JAK1: variants seen among roughly 807,000 people sequenced by gnomAD.
The protein encoded by JAK1 is tyrosine-protein kinase JAK1.
In JAK1, 16 loss-of-function variants were observed where a neutral mutation model predicts 136.6. That is an observed-to-expected ratio of 0.12 (90% CI 0.08 to 0.18). JAK1 has a LOEUF of 0.18. Among genes scored for constraint, JAK1 ranks in the 10% least tolerant of loss-of-function variants. The pLI, the probability that JAK1 is intolerant of heterozygous loss-of-function variation, is 1.00. For synonymous variants in JAK1, 492 were observed against 519.5 expected, an observed-to-expected ratio of 0.95 and a Z score of 0.72; for missense variants, 859 against 1,450.1, an observed-to-expected ratio of 0.59 and a Z score of 6.62.
intron 1 of JAK1, among the ~76,000 whole-genome samples, chr1:64,963,107 T>C (rs1225704010): frequency 6.6e-6 from 1 of 152,058 alleles, no homozygotes; most frequent in African/African-American, 2.4e-5. Flanking sequence ...AATGAACCGA[T>C]GTCTCTGATG....
intron 2 of JAK1, among the ~76,000 whole-genome samples, chr1:65,041,987 G>A (rs1459338152): frequency 1.3e-5 from 2 of 152,088 alleles, no homozygotes; most frequent in African/African-American, 4.8e-5. Context: ...AGGTTGCAGT[G>A]AGCAGAGATC....
intron 2 of JAK1, chr1:64,992,983 T>C (rs562922500): frequency 3.1e-4 from 46 of 149,956 alleles, no homozygotes; most frequent in African/African-American, 1.1e-3. Context: ...TTCTTGGTGT[T>C]TTTCTTAAGT....
intron 2 of JAK1, among the ~76,000 whole-genome samples, chr1:65,014,780 G>A (rs1646879238): frequency 6.6e-6 from 1 of 151,814 alleles, no homozygotes; most frequent in Non-Finnish European, 1.5e-5. Flanking sequence ...TGCCTCCCGG[G>A]TTCACGCCAT....
At chr1:64,945,224 GGT>G (rs1248717949) in intron 1 of JAK1, among the ~76,000 whole-genome samples, 1 of 151,996 alleles carries the variant, frequency 6.6e-6, no homozygotes, top group Non-Finnish European at 1.5e-5. Context: ...AGGGGTGAGA[GGT>G]GTCTGCAATG....
intron 1 of JAK1, among the ~76,000 whole-genome samples, chr1:64,925,806 CCCA>C (rs764044485): frequency 3.9e-5 from 6 of 152,152 alleles, no homozygotes; most frequent in Non-Finnish European, 8.8e-5. Context: ...AAACACAAGA[CCCA>C]AGGTCAAATG....
chr1:64,847,702 GA>G, intron 12 of JAK1, 27 bp from the exon 13 acceptor site: 1 of 1,610,894 alleles, frequency 6.2e-7, no homozygotes, highest in South Asian at 1.1e-5. Flanking sequence ...AAGGCTGGGT[GA>G]CCTCTCTGTG....
intron 2 of JAK1, among the ~76,000 whole-genome samples, chr1:65,040,354 G>A (rs1387143823): frequency 6.6e-6 from 1 of 152,066 alleles, no homozygotes; most frequent in Admixed American, 6.6e-5. Flanking sequence ...CCTGCCTTCT[G>A]TGGCTCGAGG....
At chr1:65,013,380 A>G (rs1646866046) in intron 2 of JAK1, among the ~76,000 whole-genome samples, 1 of 151,558 alleles carries the variant, frequency 6.6e-6, no homozygotes, top group African/African-American at 2.4e-5. Flanking sequence ...TGGGCAACAG[A>G]GCAAGACTCT....
At chr1:64,878,605 A>C (rs865876219) in intron 4 of JAK1, among the ~76,000 whole-genome samples, 39 of 113,386 alleles carry the variant, frequency 3.4e-4, no homozygotes, top group South Asian at 1.7e-3. Context: ...ATATATATAT[A>C]TCTCAAAAGT....
chr1:64,984,600 C>G lies in JAK1; in HGVS notation c.-78+59880G>C. 2 of 408,334 alleles carry G rather than the reference C, an allele frequency of 4.9e-6. No individual in the cohort carries two copies. Among genetic ancestry groups the G allele is most frequent in the South Asian group, 5.9e-5 (2 of 33,784 alleles). The allele number at this position is 408,334 out of a possible 1,614,324, so 25.3% of individuals were successfully genotyped here. ...TTGCTGGGAGGGAGGTTGAAGGAGG[C>G]ATGATTTAGACATTGGTGGTGGTCT... On this transcript the variant is annotated intron_variant, in intron 2 of 25. Transcript: ENST00000671954. This position sits in a 1 kb window ranked among gnomAD's most constrained non-coding sequence, Gnocchi z 4.1.
At chr1:64,892,639 C>A (rs1644956660) in intron 1 of JAK1, among the ~76,000 whole-genome samples, 1 of 152,136 alleles carries the variant, frequency 6.6e-6, no homozygotes, top group East Asian at 1.9e-4. Flanking sequence ...GCACTTGTGC[C>A]ATCACAATAA....
At chr1:65,017,249 A>T (rs1233147411) in intron 2 of JAK1, among the ~76,000 whole-genome samples, 1 of 152,140 alleles carries the variant, frequency 6.6e-6, no homozygotes, top group Non-Finnish European at 1.5e-5. Flanking sequence ...CAGGTGAACC[A>T]CCTGAGCTCA....
chr1:64,925,370 T>G (rs886678226), intron 1 of JAK1, among the ~76,000 whole-genome samples: 1 of 152,020 alleles, frequency 6.6e-6, no homozygotes, highest in Non-Finnish European at 1.5e-5. Flanking sequence ...CACACCAGCC[T>G]GGGAGACAAG....
At chr1:64,889,038 TTG>T (rs1557666559) in intron 1 of JAK1, among the ~76,000 whole-genome samples, 2 of 152,236 alleles carry the variant, frequency 1.3e-5, no homozygotes, top group Non-Finnish European at 2.9e-5. Flanking sequence ...AGCGGTTTTT[TTG>T]TGTGTGTGCT....
At chr1:64,933,104 A>G (rs1047172037) in intron 1 of JAK1, among the ~76,000 whole-genome samples, 4 of 152,180 alleles carry the variant, frequency 2.6e-5, no homozygotes. Context: ...GCCAGGCATC[A>G]TGCCAAATGT....
intron 17 of JAK1, among the ~76,000 whole-genome samples, chr1:64,842,554 A>G (rs898829103): frequency 2.0e-5 from 3 of 152,172 alleles, no homozygotes; most frequent in Admixed American, 6.5e-5. Context: ...TCACTCACAC[A>G]TCCCTGCGTC....
chr1:65,036,195 G>C (rs1303753343), intron 2 of JAK1, among the ~76,000 whole-genome samples: 2 of 152,148 alleles, frequency 1.3e-5, no homozygotes, highest in African/African-American at 2.4e-5. Flanking sequence ...AGTGTACCTT[G>C]ACTAAGGTGG....
At chr1:64,959,758 A>G (rs1368764657) in intron 1 of JAK1, among the ~76,000 whole-genome samples, 2 of 152,212 alleles carry the variant, frequency 1.3e-5, no homozygotes, top group African/African-American at 4.8e-5. Context: ...AAACCCTTCT[A>G]GATTTGAGAA....
At chr1:64,903,016 T>C (rs1000235383) in intron 1 of JAK1, among the ~76,000 whole-genome samples, 4 of 152,134 alleles carry the variant, frequency 2.6e-5, no homozygotes, top group Non-Finnish European at 4.4e-5. Context: ...AGAATATGGA[T>C]GCTGCCAACA....
Sources: gnomAD v4.1 joint callset for allele counts (sites outside exome capture counted in the v4.1 genomes callset) on GRCh38, gnomAD v4.1.1 for gene constraint, Gnocchi (gnomAD v3.1) non-coding constraint, MANE v1.5 for transcripts, NCBI Gene and HGNC (gene_info 2026-07-23, HGNC 2026-07-21) for gene names.